The following IST1 variants were observed in gnomAD, a reference collection of about 807,000 sequenced individuals.
IST1 encodes IST1 factor associated with ESCRT-III, also known as IST1 homolog.
A neutral mutation model predicts 37.0 loss-of-function variants in IST1; 23 were observed. The observed-to-expected ratio is 0.62, with a 90% CI of 0.45 to 0.88. IST1 has a LOEUF of 0.88. IST1 is among the 40% of genes least tolerant of loss of function. The pLI is 0.00. For synonymous variants in IST1, 180 were observed against 161.7 expected, an observed-to-expected ratio of 1.11 and a Z score of -0.86; for missense variants, 488 against 445.4, an observed-to-expected ratio of 1.10 and a Z score of -0.86.
At chr16:71,924,461 C>T in intron 8 of IST1, 1 of 496,384 alleles carries the variant, frequency 2.0e-6, no homozygotes, top group Non-Finnish European at 3.7e-6. Context: ...CATAGTGCTG[C>T]ATGCCTGTGG....
At chr16:71,897,666 C>T (rs2037004286) in intron 1 of IST1, among the ~76,000 whole-genome samples, 1 of 152,214 alleles carries the variant, frequency 6.6e-6, no homozygotes, top group Non-Finnish European at 1.5e-5. Context: ...TGAGTGGAGG[C>T]CGGGCACGGT....
At chr16:71,900,819 A>G in intron 1 of IST1, among the ~76,000 whole-genome samples, 1 of 152,154 alleles carries the variant, frequency 6.6e-6, no homozygotes, top group East Asian at 1.9e-4. Context: ...CTTGAAGGCT[A>G]GGGAAGCTCT....
chr16:71,923,449 C>A, intron 8 of IST1, 69 bp downstream of exon 8: 1 of 972,866 alleles, frequency 1.0e-6, no homozygotes, highest in South Asian at 1.4e-5. Flanking sequence ...AAAATAATGA[C>A]CACAGGGAAG....
chr16:71,919,208 G>A (rs2037528341), intron 4 of IST1, among the ~76,000 whole-genome samples: 1 of 152,176 alleles, frequency 6.6e-6, no homozygotes, highest in Admixed American at 6.5e-5. Flanking sequence ...GTCCTGCATT[G>A]TCTGGCTCCC....
chr16:71,922,911 A>G, intron 7 of IST1: 1 of 580,056 alleles, frequency 1.7e-6, no homozygotes, highest in South Asian at 2.1e-5. Flanking sequence ...CTTTTCATAT[A>G]GGTTTACTGA....
chr16:71,907,802 A>G (rs1363882542), intron 1 of IST1, among the ~76,000 whole-genome samples: 1 of 150,908 alleles, frequency 6.6e-6, no homozygotes, highest in Non-Finnish European at 1.5e-5. Context: ...GTAATTTTTT[A>G]TTCTAAGATT....
In IST1 at chr16:71,929,490, A is replaced by C. The variant is rs1194881863; in HGVS notation, c.*1677A>C. The C allele has an allele frequency of 6.8e-6, 10 of 1,472,178 alleles. No individual in the cohort carries two copies. Among genetic ancestry groups the C allele is most frequent in the Non-Finnish European group, 9.1e-6 (10 of 1,101,960 alleles). The allele number at this position is 1,472,178 out of a possible 1,614,324, so 91.2% of individuals were successfully genotyped here. A position where few individuals can be genotyped will look rare whatever the true frequency, so the allele number is the denominator to read the frequency against. On this transcript the variant is annotated 3_prime_UTR_variant, in exon 10 of 10. Transcript: ENST00000378799. Reference sequence around the variant, plus strand: ...TTTTAAAGCTATGCCATGCAAAGATAAGTAGTAATACGCTAATAAATACTA... The same window carrying C: ...TTTTAAAGCTATGCCATGCAAAGATCAGTAGTAATACGCTAATAAATACTA...
intron 1 of IST1, among the ~76,000 whole-genome samples, chr16:71,907,599 A>G (rs2037255071): frequency 6.6e-6 from 1 of 151,970 alleles, no homozygotes; most frequent in African/African-American, 2.4e-5. Flanking sequence ...TTAATGACCC[A>G]ACTGTCATTA....
chr16:71,911,644 A>C (rs2037356497), intron 1 of IST1, among the ~76,000 whole-genome samples: 1 of 151,420 alleles, frequency 6.6e-6, no homozygotes, highest in Admixed American at 6.6e-5. Flanking sequence ...TGATTTTATC[A>C]TTGTATGTTC....
intron 5 of IST1, 132 bp from the exon 6 acceptor site, chr16:71,921,211 C>T (rs2037573117): frequency 1.6e-6 from 1 of 637,494 alleles, no homozygotes; most frequent in South Asian, 1.9e-5. Context: ...TGAAAAAAAT[C>T]ATTTAACTGC....
chr16:71,909,332 C>T (rs995506868), intron 1 of IST1, among the ~76,000 whole-genome samples: 7 of 152,144 alleles, frequency 4.6e-5, no homozygotes, highest in South Asian at 4.2e-4. Flanking sequence ...TCTTGAACAC[C>T]GGCCTCAAGC....
At position 71,928,030 on chromosome 16, in the gene IST1, C is replaced by T. The variant is rs1448176430; in HGVS notation, c.*217C>T. The stretch of plus-strand genomic sequence containing the variant: ...TGGAGACTGAGGCCAGAGCAACTGG[C>T]TCCTGGCAGCTGTGCTTGTCCGTTT... On this transcript the variant is annotated 3_prime_UTR_variant, in exon 10 of 10. Coordinates refer to ENST00000378799, the MANE Select transcript of IST1 (RefSeq NM_001270975.2). The T allele has an allele frequency of 3.8e-6, 2 of 523,598 alleles. No homozygotes were observed. The highest frequency in any genetic ancestry group is 6.9e-6 in the Non-Finnish European group (2 of 289,828). The allele number at this position is 523,598 out of a possible 1,614,324, so 32.4% of individuals were successfully genotyped here. A position where few individuals can be genotyped will look rare whatever the true frequency, so the allele number is the denominator to read the frequency against.
chr16:71,920,761 A>G lies in IST1; in HGVS notation c.380A>G (p.Lys127Arg). 6.2e-7 allele frequency: 1 copy of G among 1,613,988 alleles called. No individual in the cohort carries two copies. The highest frequency in any genetic ancestry group is 8.5e-7 in the Non-Finnish European group (1 of 1,179,832). ...LKIVADQLCAKYSKEYGKLCR... is the reference protein window; with the variant it reads ...LKIVADQLCARYSKEYGKLCR... ...TAGGTTGCTGATCAGCTCTGTGCCAAGTATAGCAAGGAATATGGCAAGCTA... is the reference window on the plus strand; with the variant it reads ...TAGGTTGCTGATCAGCTCTGTGCCAGGTATAGCAAGGAATATGGCAAGCTA... Residue 127 changes from lysine to arginine, a missense_variant, in exon 5 of 10, where the codon AAG becomes AGG. Around this residue, in one of 2 missense-constraint regions of IST1, gnomAD observed 455 missense variants for 386.2 expected, o/e 1.18. Transcript: ENST00000378799.
chr16:71,894,823 T>G, upstream of IST1: 1 of 1,534,150 alleles, frequency 6.5e-7, no homozygotes, highest in South Asian at 1.2e-5. Context: ...CTTCCAGGCT[T>G]AAGCAGCGAT....
At position 71,929,597 on chromosome 16, in the gene IST1, C is replaced by G. The variant is rs1407194906; in HGVS notation, c.*1784C>G. 7.1e-6 allele frequency: 11 copies of G among 1,551,820 alleles called. No homozygotes were observed. The highest frequency in any genetic ancestry group is 9.6e-6 in the Non-Finnish European group (11 of 1,147,020). On this transcript the variant is annotated 3_prime_UTR_variant, in exon 10 of 10. Transcript: ENST00000378799. ...CCCACTGCTGTCGTGGCTGCTTGCT[C>G]AGATGAGGTTTTTTGGGGCCAACTG...
upstream of IST1, chr16:71,894,450 T>C (rs144755812): frequency 4.7e-3 from 796 of 170,962 alleles, 4 homozygotes; most frequent in African/African-American, 0.018. Flanking sequence ...TCCTCTGTGT[T>C]GGCCAGGCTG....
intron 5 of IST1, 74 bp downstream of exon 5, chr16:71,920,896 T>G: frequency 9.9e-7 from 1 of 1,010,700 alleles, no homozygotes; most frequent in Non-Finnish European, 1.6e-6. Context: ...GCAATTCTAG[T>G]GGGTACCACT....
In IST1 at chr16:71,928,070, C is replaced by T. The variant is rs2037794424; in HGVS notation, c.*257C>T. ...CTTGTCCGTTTCCTGTCAGAGTGAT[C>T]CCAGGTTTCCTCCTGGCCCGTCCCA... On this transcript the variant is annotated 3_prime_UTR_variant, in exon 10 of 10. Transcript: ENST00000378799. The T allele has an allele frequency of 2.9e-5, 13 of 451,206 alleles. No individual in the cohort carries two copies. Among genetic ancestry groups the T allele is most frequent in the South Asian group, 2.8e-4 (13 of 47,178 alleles). The allele number at this position is 451,206 out of a possible 1,614,324, so 28.0% of individuals were successfully genotyped here.
At chr16:71,917,433 T>A (rs935210545) in intron 4 of IST1, among the ~76,000 whole-genome samples, 1 of 152,238 alleles carries the variant, frequency 6.6e-6, no homozygotes, top group African/African-American at 2.4e-5. Flanking sequence ...CCAGTAAAGT[T>A]AAAATAACAT....
Sources: gnomAD v4.1 joint callset for allele counts (sites outside exome capture counted in the v4.1 genomes callset) on GRCh38, gnomAD v4.1.1 for gene constraint, gnomAD v4.1.1 regional missense constraint, MANE v1.5 for transcripts, NCBI Gene and HGNC (gene_info 2026-07-23, HGNC 2026-07-21) for gene names.